Variants in SH3YL1 observed in about 807,000 individuals in gnomAD.
SH3YL1 encodes the protein SH3 domain-containing YSC84-like protein 1.
A neutral mutation model predicts 45.8 loss-of-function variants in SH3YL1; 41 were observed. The observed-to-expected ratio is 0.89, with a 90% CI of 0.70 to 1.16. The LOEUF (loss-of-function observed/expected upper bound fraction) is 1.16, where lower values mean the gene tolerates loss of function less well. SH3YL1 is among the 50% of genes most tolerant of loss of function. The pLI is 0.00. For synonymous variants in SH3YL1, 152 were observed against 151.4 expected (o/e 1.00, Z -0.03); for missense variants, 389 against 409.6 (o/e 0.95, Z 0.43).
At chr2:221,817 C>A (rs1448792896) in intron 9 of SH3YL1, among the ~76,000 whole-genome samples, 1 of 152,140 alleles carries the variant, frequency 6.6e-6, no homozygotes, top group Non-Finnish European at 1.5e-5. Flanking sequence ...GCCAGCAGAT[C>A]CAGGAGCCTA....
intron 1 of SH3YL1, chr2:262,429 A>G: frequency 2.6e-6 from 1 of 380,826 alleles, no homozygotes; most frequent in South Asian, 2.6e-5. Flanking sequence ...CCCTCGGGAG[A>G]CAGGAAAGCC....
At chr2:256,148 G>A (rs945570998) in intron 1 of SH3YL1, 2 of 152,218 alleles carry the variant, frequency 1.3e-5, no homozygotes, top group African/African-American at 4.8e-5. Context: ...TTTTGTCTGT[G>A]CCAGAACTTC....
chr2:231,203 T>C lies in SH3YL1; in HGVS notation c.534-12A>G. 5 of 1,573,280 alleles carry C rather than the reference T, an allele frequency of 3.2e-6. No homozygotes were observed. The highest frequency in any genetic ancestry group is 4.3e-6 in the Non-Finnish European group (5 of 1,156,968). ...CTTGACAATAAAATCTAATGGGAAA[T>C]ATAAAATTAAAAACATTTTAATATA... is the stretch of plus-strand genomic sequence containing the variant. On this transcript the variant is annotated splice_polypyrimidine_tract_variant and intron_variant, in intron 6 of 9. Coordinates refer to ENST00000356150, the MANE Select transcript of SH3YL1 (RefSeq NM_015677.4).
At position 233,067 on chromosome 2, in the gene SH3YL1, A is replaced by G. The variant is rs372928403; in HGVS notation, c.533+34T>C. The G allele has an allele frequency of 2.6e-6, 4 of 1,515,354 alleles. No homozygotes were observed. The African/African-American group carries it at 4.2e-5, about 16-fold the overall frequency. The allele number at this position is 1,515,354 out of a possible 1,614,324, so 93.9% of individuals were successfully genotyped here. A position where few individuals can be genotyped will look rare whatever the true frequency, so the allele number is the denominator to read the frequency against. On this transcript the variant is annotated intron_variant, in intron 6 of 9. Coordinates refer to ENST00000356150, the MANE Select transcript of SH3YL1 (RefSeq NM_015677.4). ...TTTTGAAGTACTATTTTCTCATCAC[A>G]CTTTCAATTAAAATCACTTTAACTT...
intron 7 of SH3YL1, 83 bp downstream of exon 7, chr2:230,920 AAGGAGGCTTAGTAGGTTCTT>A: frequency 9.2e-7 from 1 of 1,087,038 alleles, no homozygotes; most frequent in East Asian, 2.4e-5. Context: ...TGAAACTACG[AAGGAGGCTTAGTAGGTTCTT>A]AGGAACCTGA....
intron 3 of SH3YL1, among the ~76,000 whole-genome samples, chr2:248,514 T>C (rs1240267731): frequency 6.6e-6 from 1 of 152,164 alleles, no homozygotes; most frequent in East Asian, 1.9e-4. Flanking sequence ...ATTTGGACAG[T>C]TTTTAAATTA....
chr2:253,790 C>T (rs897790375), intron 1 of SH3YL1, among the ~76,000 whole-genome samples: 4 of 152,126 alleles, frequency 2.6e-5, no homozygotes, highest in African/African-American at 9.7e-5. Flanking sequence ...GGTCCAAGAA[C>T]CCTTTCTTGG....
intron 4 of SH3YL1, chr2:240,327 G>A (rs1031427232): frequency 2.0e-5 from 3 of 152,324 alleles, no homozygotes; most frequent in Admixed American, 6.5e-5. Flanking sequence ...CTGGAGCAAC[G>A]GCACAGAGAT....
At chr2:259,537 TAAAC>T (rs1359123321) in intron 1 of SH3YL1, 4 of 151,422 alleles carry the variant, frequency 2.6e-5, no homozygotes, top group African/African-American at 4.9e-5. Context: ...AATGGGAAAA[TAAAC>T]AAGCAAGAAG....
At chr2:236,707 C>T (rs147100437) in intron 4 of SH3YL1, among the ~76,000 whole-genome samples, 26 of 152,252 alleles carry the variant, frequency 1.7e-4, no homozygotes, top group Non-Finnish European at 2.6e-4. Flanking sequence ...TAAAATATGC[C>T]TTCATTATAC....
chr2:260,159 T>C (rs967098087), intron 1 of SH3YL1: 1 of 152,228 alleles, frequency 6.6e-6, no homozygotes, highest in Non-Finnish European at 1.5e-5. Context: ...ATTCCACTTT[T>C]AGCTTTTATA....
At chr2:252,959 G>A in intron 2 of SH3YL1, 46 bp downstream of exon 2, 1 of 1,232,682 alleles carries the variant, frequency 8.1e-7, no homozygotes, top group South Asian at 1.4e-5. Context: ...AAACAACTTA[G>A]GAAAAAGACA....
In SH3YL1 at chr2:258,729, C is replaced by T. The variant is rs116111589; in HGVS notation, c.1+5255G>A. On this transcript the variant is annotated intron_variant, in intron 1 of 9. Transcript: ENST00000356150. The stretch of plus-strand genomic sequence containing the variant: ...CCCTTCTGGGCTCTCTCCTGGGTGC[C>T]CTGGTTGTTTAATAAGCTGTCTCCA... Among the ~76,000 whole-genome samples the T allele has an allele frequency of 5.7e-3, 862 of 152,232 alleles. 8 individuals carry two copies. Among genetic ancestry groups the T allele is most frequent in the African/African-American group, 0.02 (814 of 41,552 alleles).
chr2:264,604 C>CT (rs1669772502), upstream of SH3YL1: 1 of 121,056 alleles, frequency 8.3e-6, no homozygotes, highest in African/African-American at 3.1e-5. Flanking sequence ...GACTCCCCCC[C>CT]GCCAACCCCC....
chr2:231,905 C>T (rs12691204), intron 6 of SH3YL1, among the ~76,000 whole-genome samples: 45,583 of 151,986 alleles, frequency 0.3, 7,518 homozygotes, highest in East Asian at 0.59. Flanking sequence ...TTATATTTAG[C>T]TTTATTAAAT....
At chr2:227,519 T>C (rs1667835433) in intron 8 of SH3YL1, among the ~76,000 whole-genome samples, 1 of 152,120 alleles carries the variant, frequency 6.6e-6, no homozygotes, top group South Asian at 2.1e-4. Context: ...ACCAGTTGAC[T>C]TAGGGATTTC....
At chr2:258,464 T>G (rs1165100639) in intron 1 of SH3YL1, among the ~76,000 whole-genome samples, 1 of 152,246 alleles carries the variant, frequency 6.6e-6, no homozygotes, top group Non-Finnish European at 1.5e-5. Flanking sequence ...TGTTTTTGAC[T>G]GATTCTTCTT....
intron 5 of SH3YL1, among the ~76,000 whole-genome samples, chr2:233,635 T>C (rs1377039527): frequency 2.0e-5 from 3 of 152,218 alleles, no homozygotes; most frequent in African/African-American, 7.2e-5. Flanking sequence ...CCAAGAAACA[T>C]TTTTAGATGA....
rs1667463555 is a variant in SH3YL1 at position 218,901 on chromosome 2, T to C, written c.939A>G (p.Ile313Met). The stretch of plus-strand genomic sequence containing the variant: ...AATCAAAATGTGAATCTGTTTTTGA[T>C]ATAACTGTGATTCTGTCTCCAGCTT... The part of the protein sequence containing the change: ...NFQAGDRITV[I>M]SKTDSHFDWW... Residue 313 changes from isoleucine to methionine, a missense_variant, in exon 10 of 10, where the codon ATA becomes ATG. Transcript: ENST00000356150. 1 of 1,614,174 alleles carries C rather than the reference T, an allele frequency of 6.2e-7. No homozygotes were observed. Among genetic ancestry groups the C allele is most frequent in the Non-Finnish European group, 8.5e-7 (1 of 1,180,018 alleles).
Sources: allele counts gnomAD v4.1 joint callset (sites outside exome capture counted in the v4.1 genomes callset), GRCh38; gene constraint gnomAD v4.1.1; transcripts MANE v1.5; gene names NCBI Gene and HGNC (gene_info 2026-07-23, HGNC 2026-07-21).